Variants in RAD54L2 observed in about 807,000 individuals in gnomAD.
RAD54L2 encodes the protein RAD54 like 2, also known as helicase ARIP4.
In RAD54L2, 27 loss-of-function variants were observed where a neutral mutation model predicts 138.4. That is an observed-to-expected ratio of 0.20 (90% CI 0.14 to 0.27). The LOEUF (loss-of-function observed/expected upper bound fraction) is 0.27, where lower values mean the gene tolerates loss of function less well. RAD54L2 is among the 10% of genes least tolerant of loss of function. The pLI, the probability that RAD54L2 is intolerant of heterozygous loss-of-function variation, is 1.00. For missense variants in RAD54L2, 1,396 were observed against 1,890.2 expected, an observed-to-expected ratio of 0.74 and a Z score of 4.85; for synonymous variants, 644 against 723.2, an observed-to-expected ratio of 0.89 and a Z score of 1.76.
intron 3 of RAD54L2, among the ~76,000 whole-genome samples, chr3:51,618,963 C>G (rs1482226403): frequency 2.0e-5 from 3 of 152,162 alleles, no homozygotes; most frequent in Admixed American, 2.0e-4. Context: ...TTTCTAAGCT[C>G]TGTTTAATGG....
At chr3:51,542,665 G>A (rs147039940) in intron 2 of RAD54L2, among the ~76,000 whole-genome samples, 7 of 152,140 alleles carry the variant, frequency 4.6e-5, no homozygotes, top group Non-Finnish European at 4.4e-5. Flanking sequence ...GGGTTTCATC[G>A]TGTTAGCCAG....
intron 2 of RAD54L2, among the ~76,000 whole-genome samples, chr3:51,553,425 A>C (rs1698891810): frequency 6.6e-6 from 1 of 152,232 alleles, no homozygotes; most frequent in Non-Finnish European, 1.5e-5. Context: ...TACTGTATAC[A>C]GGCATGCTTT....
chr3:51,593,963 T>C (rs1699897224), intron 3 of RAD54L2, among the ~76,000 whole-genome samples: 1 of 152,016 alleles, frequency 6.6e-6, no homozygotes, highest in South Asian at 2.1e-4. Context: ...TTTTTCTATA[T>C]AAGCATTTAA....
chr3:51,643,857 G>A lies in RAD54L2; in HGVS notation c.2351-18G>A. ...TGCTCTAATATATCCACTGCTTATG[G>A]TTTTCCTTCCTTCCTAGGGCTAGAT... On this transcript the variant is annotated intron_variant, in intron 15 of 22. Transcript: ENST00000684192. 6.4e-7 allele frequency: 1 copy of A among 1,573,936 alleles called. No homozygotes were observed. The highest frequency in any genetic ancestry group is 1.2e-5 in the South Asian group (1 of 86,722).
chr3:51,661,326 A>T (rs1225118220), intron 22 of RAD54L2, among the ~76,000 whole-genome samples: 1 of 151,816 alleles, frequency 6.6e-6, no homozygotes, highest in Non-Finnish European at 1.5e-5. Flanking sequence ...TCCTTTTTTC[A>T]CTCACCAGTA....
chr3:51,562,219 C>A (rs1174847626), intron 2 of RAD54L2, among the ~76,000 whole-genome samples: 1 of 150,764 alleles, frequency 6.6e-6, no homozygotes, highest in Non-Finnish European at 1.5e-5. Context: ...TATTTTTATT[C>A]TTTAAATTTT....
chr3:51,601,738 C>T (rs1347429930), intron 3 of RAD54L2, among the ~76,000 whole-genome samples: 1 of 152,254 alleles, frequency 6.6e-6, no homozygotes, highest in East Asian at 1.9e-4. Context: ...GCCACCACAC[C>T]CAGCCAGAGA....
At chr3:51,610,054 T>C (rs1700294165) in intron 3 of RAD54L2, among the ~76,000 whole-genome samples, 1 of 150,822 alleles carries the variant, frequency 6.6e-6, no homozygotes, top group Admixed American at 6.6e-5. Context: ...GAGAATGGCA[T>C]GAACCCAGGA....
rs202050187 is a variant in RAD54L2, at chr3:51,627,672, C to A, written c.259C>A (p.Arg87Ser). The part of the protein sequence containing the change: ...SQSEPSEQLR[R>S]HQGKNLASED... The stretch of plus-strand genomic sequence containing the variant: ...GTCTGAGCCTTCAGAGCAGCTTAGG[C>A]GCCACCAAGGCAAGAACCTAGCCTC... Residue 87 changes from arginine to serine, a missense_variant, in exon 4 of 23, where the codon CGC becomes AGC. Transcript: ENST00000684192. 2.5e-6 allele frequency: 4 copies of A among 1,610,574 alleles called. No individual in the cohort carries two copies. In the Admixed American group the frequency reaches 6.7e-5, roughly 27 times the overall value.
At chr3:51,545,931 CTTTTTTTTTTTT>C (rs781819728) in intron 2 of RAD54L2, among the ~76,000 whole-genome samples, 41 of 79,468 alleles carry the variant, frequency 5.2e-4, no homozygotes, top group Admixed American at 2.4e-3. Context: ...TACATCAATT[CTTTTTTTTTTTT>C]TTTTTTTTTT....
At chr3:51,608,646 G>A (rs376353122) in intron 3 of RAD54L2, among the ~76,000 whole-genome samples, 179 of 152,328 alleles carry the variant, frequency 1.2e-3, no homozygotes, top group African/African-American at 4.1e-3. Context: ...CCAACACGGC[G>A]AAACCCCGTC....
intron 2 of RAD54L2, among the ~76,000 whole-genome samples, chr3:51,569,506 C>T (rs1311855830): frequency 1.3e-5 from 2 of 152,030 alleles, no homozygotes; most frequent in Admixed American, 1.3e-4. Context: ...GCCTCAGTCT[C>T]CCAAGTAGCT....
At chr3:51,563,600 G>A (rs1397043322) in intron 2 of RAD54L2, among the ~76,000 whole-genome samples, 1 of 152,050 alleles carries the variant, frequency 6.6e-6, no homozygotes, top group African/African-American at 2.4e-5. Flanking sequence ...TTCCCTCCCC[G>A]GTGTGTTCAT....
intron 2 of RAD54L2, among the ~76,000 whole-genome samples, chr3:51,584,018 A>C (rs1354674370): frequency 6.6e-6 from 1 of 152,090 alleles, no homozygotes; most frequent in Non-Finnish European, 1.5e-5. Flanking sequence ...AATCTGGAAG[A>C]GATCTTGAAG....
rs767758504 is a variant in RAD54L2 at position 51,641,730 on chromosome 3, G to A, written c.2232-19G>A. 4.6e-6 allele frequency: 7 copies of A among 1,508,916 alleles called. No homozygotes were observed. The African/African-American group carries it at 5.5e-5, about 12-fold the overall frequency. 93.5% of individuals were successfully genotyped at this position (1,508,916 alleles called of 1,614,324 possible). On this transcript the variant is annotated intron_variant, in intron 14 of 22. Transcript: ENST00000684192. The stretch of plus-strand genomic sequence containing the variant: ...CCTCAATTCTGGGAGCCATCTGAAC[G>A]AAATGTTTTCTGTTTCAGCCAGAGT...
At position 51,633,715 on chromosome 3, in the gene RAD54L2, C is replaced by G. The variant is rs753318065; in HGVS notation, c.964C>G (p.Leu322Val). The change falls in exon 8 of 23, where the codon CTC (leucine) becomes GTC (valine). Residue 322 changes from leucine to valine, a missense_variant. Physicochemically the swap from Leu to Val is conservative, Grantham distance 32. Coordinates refer to ENST00000684192, the MANE Select transcript of RAD54L2 (RefSeq NM_015106.4). ...TLQVISFIDVLFRHTPAKTVL... is the reference protein window; with the variant it reads ...TLQVISFIDVVFRHTPAKTVL... ...GCAAGTGATCTCTTTCATCGACGTC[C>G]TCTTCCGCCACACGCCAGCCAAAAC... 1 of 1,613,968 alleles carries G rather than the reference C, an allele frequency of 6.2e-7. No homozygotes were observed. Among genetic ancestry groups the G allele is most frequent in the Non-Finnish European group, 8.5e-7 (1 of 1,179,886 alleles).
intron 19 of RAD54L2, among the ~76,000 whole-genome samples, chr3:51,652,036 C>T (rs1013555452): frequency 2.6e-5 from 4 of 152,198 alleles, no homozygotes; most frequent in African/African-American, 9.7e-5. Flanking sequence ...ATTTAGAAAA[C>T]CCCATTGTCT....
intron 2 of RAD54L2, among the ~76,000 whole-genome samples, chr3:51,546,334 A>G (rs1395056975): frequency 6.6e-6 from 1 of 152,138 alleles, no homozygotes; most frequent in Admixed American, 6.6e-5. Flanking sequence ...ATAAAAGTTG[A>G]TATCAGATAA....
At chr3:51,618,979 G>T (rs950780612) in intron 3 of RAD54L2, among the ~76,000 whole-genome samples, 15 of 152,184 alleles carry the variant, frequency 9.9e-5, no homozygotes, top group African/African-American at 2.7e-4. Flanking sequence ...AATGGAGAAG[G>T]TCTGCTAGGT....
Sources: allele counts gnomAD v4.1 joint callset (sites outside exome capture counted in the v4.1 genomes callset), GRCh38; gene constraint gnomAD v4.1.1; transcripts MANE v1.5; gene names NCBI Gene and HGNC (gene_info 2026-07-23, HGNC 2026-07-21).